ZNF385B: variants seen among roughly 807,000 people sequenced by gnomAD.
ZNF385B encodes zinc finger protein 533.
A neutral mutation model predicts 39.2 loss-of-function variants in ZNF385B; 23 were observed. The ratio of observed to expected loss-of-function variants is 0.59; its 90% CI spans 0.42 to 0.83. The LOEUF is 0.83. ZNF385B is among the 40% of genes least tolerant of loss of function. The pLI is 0.00. For synonymous variants in ZNF385B, 205 were observed against 222.6 expected, an observed-to-expected ratio of 0.92 and a Z score of 0.70; for missense variants, 552 against 598.9, an observed-to-expected ratio of 0.92 and a Z score of 0.82.
chr2:179,767,626 G>A (rs1014299065), intron 3 of ZNF385B, among the ~76,000 whole-genome samples: 15 of 152,126 alleles, frequency 9.9e-5, no homozygotes, highest in African/African-American at 3.6e-4. Flanking sequence ...CAAAAAAAAT[G>A]AAATGATGTC....
intron 3 of ZNF385B, among the ~76,000 whole-genome samples, chr2:179,674,344 CTG>C (rs1457094595): frequency 2.0e-5 from 3 of 152,098 alleles, no homozygotes; most frequent in African/African-American, 7.2e-5. Context: ...TTTTTCTTGA[CTG>C]TAGTAAAAAT....
At chr2:179,816,439 G>GT (rs1316513682) in intron 1 of ZNF385B, among the ~76,000 whole-genome samples, 1 of 152,112 alleles carries the variant, frequency 6.6e-6, no homozygotes, top group Non-Finnish European at 1.5e-5. Context: ...AAAAACAAAC[G>GT]TAAGTTAGAT....
At chr2:179,550,927 G>A (rs1363949165) in intron 3 of ZNF385B, among the ~76,000 whole-genome samples, 1 of 151,988 alleles carries the variant, frequency 6.6e-6, no homozygotes, top group East Asian at 1.9e-4. Flanking sequence ...CTCTAAAAGT[G>A]AAGGACTTGC....
rs182786788 is a variant in ZNF385B, at chr2:179,838,338, C to T, written c.-155+22763G>A. Among the ~76,000 whole-genome samples, 20 of 152,326 alleles carry T rather than the reference C, an allele frequency of 1.3e-4. No homozygotes were observed. The East Asian group carries it at 1.9e-3, about 15-fold the overall frequency. On this transcript the variant is annotated intron_variant, in intron 1 of 9. Transcript: ENST00000410066. ...CCCAAGCATGAACCACTGATTACAA[C>T]GCTAGTACTTCAGTTTGTACAAAAC...
At position 179,627,524 on chromosome 2, in the gene ZNF385B, A is replaced by T. The variant is rs1042360620; in HGVS notation, c.299-82555T>A. The stretch of plus-strand genomic sequence containing the variant: ...CTTTAGAGCTGGGATCTTACCCAAG[A>T]TCCATAATGTGATTCCAGAAACTAA... On this transcript the variant is annotated intron_variant, in intron 3 of 9. Transcript: ENST00000410066. 2.6e-5 allele frequency among the ~76,000 whole-genome samples: 4 copies of T among 152,202 alleles called. No individual in the cohort carries two copies. In the South Asian group the frequency reaches 6.2e-4, roughly 24 times the overall value.
chr2:179,633,944 AC>A (rs1691480928), intron 3 of ZNF385B, among the ~76,000 whole-genome samples: 2 of 152,308 alleles, frequency 1.3e-5, no homozygotes, highest in South Asian at 4.2e-4. Context: ...CCTGAGAAAA[AC>A]AAGCAATGGG....
intron 3 of ZNF385B, among the ~76,000 whole-genome samples, chr2:179,746,663 T>A (rs1173654634): frequency 6.6e-6 from 1 of 152,174 alleles, no homozygotes; most frequent in Non-Finnish European, 1.5e-5. Flanking sequence ...AAATCTATAG[T>A]TCATTAAACC....
intron 1 of ZNF385B, among the ~76,000 whole-genome samples, chr2:179,798,830 G>T (rs1416261087): frequency 6.6e-6 from 1 of 151,944 alleles, no homozygotes; most frequent in African/African-American, 2.4e-5. Context: ...GAATGGCTTT[G>T]TACATTTAAT....
intron 3 of ZNF385B, among the ~76,000 whole-genome samples, chr2:179,639,765 C>T (rs1254734120): frequency 6.6e-6 from 1 of 152,070 alleles, no homozygotes; most frequent in African/African-American, 2.4e-5. Context: ...ATGCTAAAAC[C>T]ACTAGGGAAA....
At chr2:179,760,134 A>G (rs1333924558) in intron 3 of ZNF385B, among the ~76,000 whole-genome samples, 2 of 150,994 alleles carry the variant, frequency 1.3e-5, no homozygotes, top group African/African-American at 2.4e-5. Context: ...TTTTAAAGCT[A>G]TAGAATAATA....
intron 3 of ZNF385B, among the ~76,000 whole-genome samples, chr2:179,637,896 A>G (rs908982103): frequency 1.3e-5 from 2 of 152,242 alleles, no homozygotes; most frequent in Admixed American, 6.5e-5. Context: ...AAAAATATTT[A>G]TGCTTTCTCT....
At chr2:179,493,695 A>G (rs1044238244) in intron 5 of ZNF385B, among the ~76,000 whole-genome samples, 7 of 102,602 alleles carry the variant, frequency 6.8e-5, no homozygotes, top group Non-Finnish European at 1.1e-4. Context: ...ACACATATAT[A>G]CATATATGTA....
intron 4 of ZNF385B, among the ~76,000 whole-genome samples, chr2:179,541,991 A>T (rs1436209769): frequency 6.6e-6 from 1 of 152,194 alleles, no homozygotes; most frequent in African/African-American, 2.4e-5. Flanking sequence ...AAGAGTAATA[A>T]TGACTGCCTG....
chr2:179,606,569 G>C (rs1688819102), intron 3 of ZNF385B, among the ~76,000 whole-genome samples: 2 of 152,000 alleles, frequency 1.3e-5, no homozygotes, highest in African/African-American at 2.4e-5. Flanking sequence ...AGTTTGGGGA[G>C]ATTTACTATC....
intron 3 of ZNF385B, among the ~76,000 whole-genome samples, chr2:179,588,663 C>T (rs1296509983): frequency 6.6e-6 from 1 of 152,264 alleles, no homozygotes; most frequent in Admixed American, 6.5e-5. Flanking sequence ...ATCCTCTGAG[C>T]AGACATCCCG....
intron 3 of ZNF385B, among the ~76,000 whole-genome samples, chr2:179,563,857 T>C (rs1307407900): frequency 6.6e-6 from 1 of 152,186 alleles, no homozygotes; most frequent in Non-Finnish European, 1.5e-5. Flanking sequence ...CTGTAGAGAT[T>C]ATGTTGATGG....
chr2:179,697,160 G>C (rs576171740), intron 3 of ZNF385B, among the ~76,000 whole-genome samples: 7 of 151,910 alleles, frequency 4.6e-5, no homozygotes, highest in African/African-American at 1.7e-4. Flanking sequence ...TTTTTGTTTT[G>C]GACAACTGAT....
chr2:179,559,639 C>A (rs1280035896), intron 3 of ZNF385B, among the ~76,000 whole-genome samples: 1 of 145,186 alleles, frequency 6.9e-6, no homozygotes, highest in Non-Finnish European at 1.5e-5. Context: ...ACTTGACTGT[C>A]GGGTTTTTTT....
At position 179,620,647 on chromosome 2, in the gene ZNF385B, G is replaced by A. The variant is rs571297265; in HGVS notation, c.299-75678C>T. Among the ~76,000 whole-genome samples the A allele has an allele frequency of 2.0e-4, 30 of 151,908 alleles. No individual in the cohort carries two copies. The East Asian group carries it at 5.0e-3, about 25-fold the overall frequency. On this transcript the variant is annotated intron_variant, in intron 3 of 9. Coordinates refer to ENST00000410066, the MANE Select transcript of ZNF385B (RefSeq NM_152520.6). ...GACAATAAGCTAATTTTGGCAGATC[G>A]GTAAAGAATATGAACTAATTTACTA...
Sources: allele counts gnomAD v4.1 joint callset (sites outside exome capture counted in the v4.1 genomes callset), GRCh38; gene constraint gnomAD v4.1.1; transcripts MANE v1.5; gene names NCBI Gene and HGNC (gene_info 2026-07-23, HGNC 2026-07-21).